ELOVL6: variants seen among roughly 807,000 people sequenced by gnomAD.
ELOVL6 encodes ELOVL fatty acid elongase 6.
A neutral mutation model predicts 31.7 loss-of-function variants in ELOVL6; 8 were observed. The ratio of observed to expected loss-of-function variants is 0.25; its 90% CI spans 0.15 to 0.45. The LOEUF (loss-of-function observed/expected upper bound fraction) is 0.45, where lower values mean the gene tolerates loss of function less well. ELOVL6 is among the 20% of genes least tolerant of loss of function. The pLI, the probability that ELOVL6 is intolerant of heterozygous loss-of-function variation, is 1.00. For missense variants in ELOVL6, 126 were observed against 326.4 expected (o/e 0.39, Z 4.73); for synonymous variants, 101 against 117.7 (o/e 0.86, Z 0.92).
Position 110,105,487 on chromosome 4 carries a change from A to G in ELOVL6, c.221+10T>C. On this transcript the variant is annotated intron_variant, in intron 2 of 3. Coordinates refer to ENST00000302274, the MANE Select transcript of ELOVL6 (RefSeq NM_024090.3). The stretch of plus-strand genomic sequence containing the variant: ...GGATACGTTTTATTAGAAAAATGAA[A>G]AAAACCTACCTGAAGACTGCAAGGG... 3 of 1,587,358 alleles carry G rather than the reference A, an allele frequency of 1.9e-6. No individual in the cohort carries two copies. Among genetic ancestry groups the G allele is most frequent in the Non-Finnish European group, 2.6e-6 (3 of 1,171,566 alleles).
At position 110,084,749 on chromosome 4, in the gene ELOVL6, C is replaced by A. The variant is rs1257464794; in HGVS notation, c.221+20748G>T. Among the ~76,000 whole-genome samples the A allele has an allele frequency of 8.6e-5, 13 of 150,796 alleles. No homozygotes were observed. The South Asian group carries it at 2.5e-3, about 29-fold the overall frequency. ...AGCTGGGGCTACAGGTGCGTGCCAC[C>A]ACACCTGGCTAATTTTTGTGTGTTT... On this transcript the variant is annotated intron_variant, in intron 2 of 3. Transcript: ENST00000302274.
chr4:110,123,614 A>G (rs1757412909), intron 1 of ELOVL6, among the ~76,000 whole-genome samples: 1 of 152,196 alleles, frequency 6.6e-6, no homozygotes, highest in Non-Finnish European at 1.5e-5. Flanking sequence ...ACAGTGTTAA[A>G]CAGGGTGGCA....
chr4:110,120,609 C>T (rs987393640), intron 1 of ELOVL6, among the ~76,000 whole-genome samples: 2 of 152,034 alleles, frequency 1.3e-5, no homozygotes, highest in African/African-American at 4.8e-5. Context: ...AAATGTGTTT[C>T]AATTTGATCA....
At chr4:110,103,301 GAAA>G (rs962514499) in intron 2 of ELOVL6, among the ~76,000 whole-genome samples, 3 of 149,406 alleles carry the variant, frequency 2.0e-5, no homozygotes, top group Non-Finnish European at 4.5e-5. Flanking sequence ...TGTAATTAAA[GAAA>G]AAAAAATCAA....
At chr4:110,099,188 T>C (rs1756673922) in intron 2 of ELOVL6, among the ~76,000 whole-genome samples, 1 of 152,170 alleles carries the variant, frequency 6.6e-6, no homozygotes, top group Non-Finnish European at 1.5e-5. Flanking sequence ...ACTAAATTTG[T>C]TTATGATATC....
chr4:110,158,657 A>ATTTTTTTTTTTT (rs1184682018), intron 1 of ELOVL6, among the ~76,000 whole-genome samples: 17 of 74,162 alleles, frequency 2.3e-4, no homozygotes, highest in Non-Finnish European at 3.7e-4. Flanking sequence ...ATATATATAT[A>ATTTTTTTTTTTT]TTTTTTTTTT....
At chr4:110,184,809 T>C (rs1759392364) in intron 1 of ELOVL6, among the ~76,000 whole-genome samples, 2 of 152,146 alleles carry the variant, frequency 1.3e-5, no homozygotes, top group African/African-American at 4.8e-5. Context: ...GCAGATTAGC[T>C]AAGGAAGAGT....
chr4:110,186,819 AAAAATATATATATATAT>A (rs1560863149), intron 1 of ELOVL6, among the ~76,000 whole-genome samples: 1 of 106,836 alleles, frequency 9.4e-6, no homozygotes, highest in Non-Finnish European at 2.0e-5. Flanking sequence ...AAAAAAAAAA[AAAAATATATATATATAT>A]ATATATATTT....
intron 1 of ELOVL6, among the ~76,000 whole-genome samples, chr4:110,183,233 T>A (rs895356040): frequency 1.3e-5 from 2 of 152,208 alleles, no homozygotes; most frequent in African/African-American, 4.8e-5. Flanking sequence ...CCCCTTATCT[T>A]AACCCAGACA....
rs1040726412 is a variant in ELOVL6, at chr4:110,078,258, A to C, written c.222-18504T>G. On this transcript the variant is annotated intron_variant, in intron 2 of 3. Coordinates refer to ENST00000302274, the MANE Select transcript of ELOVL6 (RefSeq NM_024090.3). ...AGAGAACGCCACAAAGATACTCCTC[A>C]AGAAGAGCAACTCCAAGACACATAA... is the stretch of plus-strand genomic sequence containing the variant. Among the ~76,000 whole-genome samples the C allele has an allele frequency of 8.5e-5, 13 of 152,282 alleles. No homozygotes were observed. In the South Asian group the frequency reaches 1.0e-3, roughly 12 times the overall value.
chr4:110,113,262 A>G (rs940083765), intron 1 of ELOVL6, among the ~76,000 whole-genome samples: 1 of 146,480 alleles, frequency 6.8e-6, no homozygotes, highest in Admixed American at 6.9e-5. Flanking sequence ...GCTTGCCATC[A>G]CCCCCAAGTC....
chr4:110,169,807 C>CT (rs759703117), intron 1 of ELOVL6, among the ~76,000 whole-genome samples: 5,088 of 136,584 alleles, frequency 0.037, 105 homozygotes, highest in Middle Eastern at 0.075. Context: ...TTCTTTCTTT[C>CT]TTTTTTTTTT....
intron 1 of ELOVL6, among the ~76,000 whole-genome samples, chr4:110,182,737 C>T (rs1759324995): frequency 6.6e-6 from 1 of 151,992 alleles, no homozygotes; most frequent in Non-Finnish European, 1.5e-5. Flanking sequence ...GGAGAAACTC[C>T]GTCTCTACTA....
chr4:110,136,688 G>A (rs1757822730), intron 1 of ELOVL6, among the ~76,000 whole-genome samples: 1 of 152,182 alleles, frequency 6.6e-6, no homozygotes, highest in Admixed American at 6.5e-5. Flanking sequence ...TGCAAGGTGA[G>A]CCATGGTTTT....
intron 1 of ELOVL6, among the ~76,000 whole-genome samples, chr4:110,141,855 G>GTATATATATATC (rs1553960299): frequency 3.2e-5 from 4 of 126,626 alleles, no homozygotes; most frequent in Non-Finnish European, 6.6e-5. Context: ...AATACAATTA[G>GTATATATATATC]TATATATATA....
intron 3 of ELOVL6, among the ~76,000 whole-genome samples, chr4:110,053,257 G>A (rs113468003): frequency 2.0e-5 from 3 of 152,032 alleles, no homozygotes; most frequent in African/African-American, 4.8e-5. Context: ...TTAATTAAGC[G>A]CAACAAAACA....
chr4:110,084,831 G>A (rs1347301680), intron 2 of ELOVL6, among the ~76,000 whole-genome samples: 1 of 151,408 alleles, frequency 6.6e-6, no homozygotes, highest in Non-Finnish European at 1.5e-5. Flanking sequence ...TTGACCTCAT[G>A]TTCTGCCCAT....
At chr4:110,152,926 T>TCC (rs1403995313) in intron 1 of ELOVL6, among the ~76,000 whole-genome samples, 1 of 152,208 alleles carries the variant, frequency 6.6e-6, no homozygotes, top group African/African-American at 2.4e-5. Flanking sequence ...GCAAAGACAA[T>TCC]CCTTCGTCTC....
At chr4:110,195,852 G>A (rs1173382287) in intron 1 of ELOVL6, among the ~76,000 whole-genome samples, 1 of 152,170 alleles carries the variant, frequency 6.6e-6, no homozygotes, top group Non-Finnish European at 1.5e-5. Context: ...AATCAAGAGT[G>A]GGATGACAAG....
Sources: allele counts gnomAD v4.1 joint callset (sites outside exome capture counted in the v4.1 genomes callset), GRCh38; gene constraint gnomAD v4.1.1; transcripts MANE v1.5; gene names NCBI Gene and HGNC (gene_info 2026-07-23, HGNC 2026-07-21).